The following CCDC7 variants were observed in gnomAD, a reference collection of about 807,000 sequenced individuals.
CCDC7 encodes coiled-coil domain-containing protein 7.
CCDC7 carries 183 observed loss-of-function variants against 196.9 expected under a neutral mutation model. The observed-to-expected ratio is 0.93, with a 90% CI of 0.82 to 1.05. The LOEUF (loss-of-function observed/expected upper bound fraction) is 1.05. CCDC7 is among the 50% of genes least tolerant of loss of function. The pLI is 0.00. For missense variants in CCDC7, 1,540 were observed against 1,482.2 expected (o/e 1.04, Z -0.64); for synonymous variants, 525 against 484.6 (o/e 1.08, Z -1.10).
At chr10:32,773,191 A>G (rs2079437499) in intron 28 of CCDC7, among the ~76,000 whole-genome samples, 1 of 152,152 alleles carries the variant, frequency 6.6e-6, no homozygotes, top group Non-Finnish European at 1.5e-5. Flanking sequence ...TGAGCTTCCT[A>G]TACCTGGATG....
intron 11 of CCDC7, among the ~76,000 whole-genome samples, chr10:32,521,030 A>G (rs73251585): frequency 3.3e-5 from 5 of 152,112 alleles, no homozygotes; most frequent in African/African-American, 1.2e-4. Context: ...AGTTCATCGT[A>G]GGTGTGTGGA....
chr10:32,696,622 T>A (rs1425387732), intron 24 of CCDC7, among the ~76,000 whole-genome samples: 2 of 152,146 alleles, frequency 1.3e-5, no homozygotes, highest in East Asian at 3.9e-4. Context: ...GAGGCTGCCA[T>A]TGAGCCCAAA....
At chr10:32,581,676 G>T (rs1336126927) in intron 16 of CCDC7, among the ~76,000 whole-genome samples, 1 of 152,046 alleles carries the variant, frequency 6.6e-6, no homozygotes, top group Non-Finnish European at 1.5e-5. Flanking sequence ...TGGGAATATG[G>T]TTATAAATGT....
chr10:32,879,400 T>C (rs1478731864), downstream of CCDC7, among the ~76,000 whole-genome samples: 1 of 152,106 alleles, frequency 6.6e-6, no homozygotes, highest in African/African-American at 2.4e-5. Context: ...CAGCATTTGC[T>C]TTCTTCTGCT....
chr10:32,801,085 A>T (rs374509008), intron 29 of CCDC7, among the ~76,000 whole-genome samples: 3 of 152,224 alleles, frequency 2.0e-5, no homozygotes, highest in South Asian at 4.1e-4. Context: ...CACTGCATTT[A>T]AATTTTATAG....
chr10:32,797,404 A>C (rs907315889), intron 29 of CCDC7, among the ~76,000 whole-genome samples: 2 of 152,052 alleles, frequency 1.3e-5, no homozygotes, highest in Non-Finnish European at 2.9e-5. Context: ...TAAGTGAAGT[A>C]ACTCAGGAAT....
chr10:32,622,231 T>C (rs2063496733), intron 18 of CCDC7, among the ~76,000 whole-genome samples: 1 of 152,220 alleles, frequency 6.6e-6, no homozygotes, highest in African/African-American at 2.4e-5. Flanking sequence ...TTTCTAACAT[T>C]GGACCCATAG....
At chr10:32,500,607 C>A (rs570141946) in intron 9 of CCDC7, among the ~76,000 whole-genome samples, 1 of 151,938 alleles carries the variant, frequency 6.6e-6, no homozygotes, top group Admixed American at 6.6e-5. Flanking sequence ...AGACGATGGG[C>A]GGCCAGGCAG....
chr10:32,485,280 A>G (rs1589059862), intron 8 of CCDC7, among the ~76,000 whole-genome samples: 3 of 152,140 alleles, frequency 2.0e-5, no homozygotes, highest in South Asian at 4.1e-4. Context: ...GTTTATTTGC[A>G]TAGAGGTGTT....
chr10:32,446,339 C>T (rs374931866), exon 1 of CCDC7: 24 of 152,302 alleles, frequency 1.6e-4, no homozygotes, highest in African/African-American at 5.8e-4. Flanking sequence ...AATAGTTTTT[C>T]ACCTTAGAGC....
chr10:32,505,017 C>A (rs1029119307), intron 9 of CCDC7, among the ~76,000 whole-genome samples: 1 of 151,970 alleles, frequency 6.6e-6, no homozygotes, highest in Non-Finnish European at 1.5e-5. Context: ...TGTAAATAGG[C>A]TATTATTATA....
At chr10:32,510,413 G>C (rs2045925363) in intron 9 of CCDC7, among the ~76,000 whole-genome samples, 1 of 152,166 alleles carries the variant, frequency 6.6e-6, no homozygotes, top group Admixed American at 6.5e-5. Flanking sequence ...AATTTTCTAA[G>C]AGGGTAGGTG....
At chr10:32,656,710 C>T (rs1281255579) in intron 20 of CCDC7, among the ~76,000 whole-genome samples, 2 of 152,178 alleles carry the variant, frequency 1.3e-5, no homozygotes, top group African/African-American at 4.8e-5. Flanking sequence ...CAAACCATAT[C>T]ATTCCACCCG....
At chr10:32,627,077 A>C (rs1363339032) in intron 18 of CCDC7, among the ~76,000 whole-genome samples, 1 of 149,064 alleles carries the variant, frequency 6.7e-6, no homozygotes, top group Non-Finnish European at 1.5e-5. Flanking sequence ...AAATTTTTCT[A>C]TGTCTGTGAA....
chr10:32,858,760 G>C (rs1016467466), intron 41 of CCDC7, among the ~76,000 whole-genome samples: 1 of 152,016 alleles, frequency 6.6e-6, no homozygotes, highest in Non-Finnish European at 1.5e-5. Context: ...AAAAAAACCA[G>C]GGATTGCAAT....
chr10:32,703,660 C>T (rs556567163), intron 24 of CCDC7, among the ~76,000 whole-genome samples: 7 of 152,184 alleles, frequency 4.6e-5, no homozygotes, highest in East Asian at 3.9e-4. Flanking sequence ...ACCAATCAGA[C>T]GTAGATTTGG....
In CCDC7 at chr10:32,543,295, T is replaced by C. The variant is rs2051828445; in HGVS notation, c.994-5T>C. On this transcript the variant is annotated splice_polypyrimidine_tract_variant and splice_region_variant and intron_variant, in intron 11 of 41. Coordinates refer to ENST00000639629, the Ensembl canonical transcript of CCDC7. Reference sequence around the variant, plus strand: ...TTTATTTCTGGCTTATGTAAAATTATACAGAAAACTAAGCCTACAAATAAT... The same window carrying C: ...TTTATTTCTGGCTTATGTAAAATTACACAGAAAACTAAGCCTACAAATAAT... The C allele has an allele frequency of 1.4e-6, 2 of 1,412,974 alleles. No homozygotes were observed. The highest frequency in any genetic ancestry group is 3.0e-5 in the African/African-American group (2 of 67,558). 87.5% of individuals were successfully genotyped at this position (1,412,974 alleles called of 1,614,324 possible).
In CCDC7 at chr10:32,603,359, C is replaced by A. The variant is rs562491819; in HGVS notation, c.1801+19055C>A. Among the ~76,000 whole-genome samples, 7 of 152,206 alleles carry A rather than the reference C, an allele frequency of 4.6e-5. No homozygotes were observed. The South Asian group carries it at 1.5e-3, about 32-fold the overall frequency. On this transcript the variant is annotated intron_variant, in intron 18 of 41. Transcript: ENST00000639629. ...CTTTATCCATTCATCCATTGATGGACACTTAGCTTGATTTCATTTCTTAGC... is the reference window on the plus strand; with the variant it reads ...CTTTATCCATTCATCCATTGATGGAAACTTAGCTTGATTTCATTTCTTAGC...
In CCDC7 at chr10:32,458,482, C is replaced by CTT. The variant is rs368681727; in HGVS notation, c.456+2163_456+2164dup. ...GCATGTGTGTGTGTGTGTGTGTGTG[C>CTT]TTTTTTTTTTTTTTTTAAAGAGACA... On this transcript the variant is annotated intron_variant, in intron 3 of 41. Coordinates refer to ENST00000639629, the Ensembl canonical transcript of CCDC7. Among the ~76,000 whole-genome samples the CTT allele has an allele frequency of 2.4e-3, 319 of 132,772 alleles. 3 individuals carry two copies. The highest frequency in any genetic ancestry group is 7.8e-3 in the South Asian group (33 of 4,204). The allele number at this position is 132,772 out of a possible 152,430, so 87.1% of individuals were successfully genotyped here. A position where few individuals can be genotyped will look rare whatever the true frequency, so the allele number is the denominator to read the frequency against.
Sources: allele counts gnomAD v4.1 joint callset (sites outside exome capture counted in the v4.1 genomes callset), GRCh38; gene constraint gnomAD v4.1.1; transcripts MANE v1.5; gene names NCBI Gene and HGNC (gene_info 2026-07-23, HGNC 2026-07-21).